The following SNAP23 variants were observed in gnomAD, a reference collection of about 807,000 sequenced individuals.
SNAP23 encodes synaptosomal-associated protein 23.
Under a neutral mutation model 29.0 loss-of-function variants are expected in SNAP23, and 11 were observed. That is an observed-to-expected ratio of 0.38 (90% CI 0.24 to 0.63). SNAP23 has a LOEUF of 0.63. Ranked by LOEUF, SNAP23 falls within the 20% of genes least tolerant of loss-of-function variation. The pLI is 0.58. For missense variants in SNAP23, 220 were observed against 253.9 expected, an observed-to-expected ratio of 0.87 and a Z score of 0.91; for synonymous variants, 60 against 82.9, an observed-to-expected ratio of 0.72 and a Z score of 1.50.
intron 6 of SNAP23, among the ~76,000 whole-genome samples, chr15:42,529,218 T>C (rs1353627851): frequency 6.6e-6 from 1 of 152,236 alleles, no homozygotes; most frequent in Non-Finnish European, 1.5e-5. Flanking sequence ...AATCATATGG[T>C]GGCCAGATTT....
chr15:42,511,551 C>G lies in SNAP23; in HGVS notation c.-14-282C>G, dbSNP rs968000663. Reference sequence around the variant, plus strand: ...TGTCTTCCAGTAATGCCTTGCTTCTCTAAGTAGAGGATCCACTTTCCTGTT... The same window carrying G: ...TGTCTTCCAGTAATGCCTTGCTTCTGTAAGTAGAGGATCCACTTTCCTGTT... On this transcript the variant is annotated intron_variant, in intron 1 of 7. Coordinates refer to ENST00000249647, the MANE Select transcript of SNAP23 (RefSeq NM_003825.4). Among the ~76,000 whole-genome samples the G allele has an allele frequency of 1.2e-4, 18 of 152,322 alleles. No homozygotes were observed. In the East Asian group the frequency reaches 2.5e-3, roughly 21 times the overall value.
intron 1 of SNAP23, among the ~76,000 whole-genome samples, chr15:42,500,678 C>A (rs1183392066): frequency 1.3e-5 from 2 of 151,594 alleles, no homozygotes; most frequent in East Asian, 1.9e-4. Flanking sequence ...GCATGAGCCA[C>A]CTCACCCGGC....
At chr15:42,495,429 T>G (rs1176432886), upstream of SNAP23, 1 of 152,282 alleles carries the variant, frequency 6.6e-6, no homozygotes, top group Non-Finnish European at 1.5e-5. Context: ...GCATACGGTT[T>G]GCCCTCAGTA....
At chr15:42,521,859 A>C in intron 5 of SNAP23, 1 of 415,740 alleles carries the variant, frequency 2.4e-6, no homozygotes, top group South Asian at 8.4e-5. Flanking sequence ...AAGGACCTTA[A>C]TTTATAATAC....
intron 1 of SNAP23, 117 bp from the exon 2 acceptor site, chr15:42,511,716 T>C: frequency 2.0e-6 from 1 of 493,152 alleles, no homozygotes; most frequent in Non-Finnish European, 3.6e-6. Flanking sequence ...GAGGTTCTTT[T>C]ATCCTGTTTT....
chr15:42,509,601 G>A lies in SNAP23; in HGVS notation c.-14-2232G>A, dbSNP rs555521719. ...ATTACAGGCGCTCACCACCACTCCC[G>A]GCTAATTTTTGTATTTTTAGTAGAA... On this transcript the variant is annotated intron_variant, in intron 1 of 7. Coordinates refer to ENST00000249647, the MANE Select transcript of SNAP23 (RefSeq NM_003825.4). Among the ~76,000 whole-genome samples, 245 of 151,658 alleles carry A rather than the reference G, an allele frequency of 1.6e-3. 1 individual carries two copies. The highest frequency in any genetic ancestry group is 5.7e-3 in the African/African-American group (238 of 41,396).
upstream of SNAP23, among the ~76,000 whole-genome samples, chr15:42,494,949 G>A (rs1395753665): frequency 6.6e-6 from 1 of 152,160 alleles, no homozygotes. Context: ...AGTGCCCCTA[G>A]TACAAAGTGG....
chr15:42,492,504 C>T (rs995755892), upstream of SNAP23, among the ~76,000 whole-genome samples: 3 of 151,438 alleles, frequency 2.0e-5, no homozygotes, highest in Non-Finnish European at 4.4e-5. Context: ...ATGGTGAAAC[C>T]CCTTCTCTAC....
chr15:42,496,924 A>G (rs146737161), intron 1 of SNAP23, among the ~76,000 whole-genome samples: 306 of 152,292 alleles, frequency 2.0e-3, no homozygotes, highest in African/African-American at 7.0e-3. Context: ...AACCAGTATC[A>G]TGAGAACAGC....
chr15:42,515,574 C>T (rs1053193419), intron 5 of SNAP23, among the ~76,000 whole-genome samples: 1 of 152,136 alleles, frequency 6.6e-6, no homozygotes, highest in Non-Finnish European at 1.5e-5. Context: ...AGTCCAATTT[C>T]AATTTGTAGT....
In SNAP23 at chr15:42,531,734, T is replaced by G; in HGVS notation, c.*256T>G. ...TTTTCATATGTCATGTTTAGTGTTT[T>G]CATCCTCCTCATATACTTCAGCAGG... On this transcript the variant is annotated 3_prime_UTR_variant, in exon 8 of 8. Coordinates refer to ENST00000249647, the MANE Select transcript of SNAP23 (RefSeq NM_003825.4). 1 of 316,816 alleles carries G rather than the reference T, an allele frequency of 3.2e-6. No homozygotes were observed. Among genetic ancestry groups the G allele is most frequent in the Non-Finnish European group, 5.8e-6 (1 of 173,780 alleles). The allele number at this position is 316,816 out of a possible 1,614,324, so 19.6% of individuals were successfully genotyped here.
chr15:42,523,509 G>A (rs903283229), intron 5 of SNAP23, among the ~76,000 whole-genome samples: 1 of 152,222 alleles, frequency 6.6e-6, no homozygotes, highest in Non-Finnish European at 1.5e-5. Context: ...AAACATGCCA[G>A]TTGGTAACCC....
chr15:42,495,757 G>A (rs1201633095), intron 1 of SNAP23, 44 bp downstream of exon 1: 2 of 152,728 alleles, frequency 1.3e-5, no homozygotes, highest in South Asian at 2.1e-4. Flanking sequence ...CCGGGATGAA[G>A]TCTGAGACTA....
intron 4 of SNAP23, among the ~76,000 whole-genome samples, chr15:42,514,427 G>A (rs144093540): frequency 2.8e-3 from 430 of 152,316 alleles, no homozygotes; most frequent in African/African-American, 9.8e-3. Flanking sequence ...GGGATTATAG[G>A]CGTGAGCCAC....
intron 1 of SNAP23, among the ~76,000 whole-genome samples, chr15:42,508,467 C>A (rs1339097128): frequency 6.6e-6 from 1 of 152,142 alleles, no homozygotes; most frequent in African/African-American, 2.4e-5. Context: ...TAATCTTAGG[C>A]AGCTGCATCC....
In SNAP23 at chr15:42,515,493, A is replaced by G. The variant is rs562782640; in HGVS notation, c.266+139A>G. On this transcript the variant is annotated intron_variant, in intron 5 of 7. Transcript: ENST00000249647. ...TCTAAGTTGTCTCTCCTTCAGGCAG[A>G]TTAAGCTTTTTGTGTAAATACTGCG... The G allele has an allele frequency of 1.2e-5, 7 of 599,190 alleles. No homozygotes were observed. The South Asian group carries it at 1.3e-4, about 11-fold the overall frequency. The allele number at this position is 599,190 out of a possible 1,614,324, so 37.1% of individuals were successfully genotyped here. A position where few individuals can be genotyped will look rare whatever the true frequency, so the allele number is the denominator to read the frequency against.
intron 5 of SNAP23, 82 bp downstream of exon 5, chr15:42,515,436 A>T: frequency 1.3e-6 from 1 of 793,358 alleles, no homozygotes; most frequent in Non-Finnish European, 2.1e-6. Context: ...CAGAAGTATG[A>T]CTGGGCTTAA....
chr15:42,496,510 A>T (rs190165739), intron 1 of SNAP23, among the ~76,000 whole-genome samples: 1 of 152,128 alleles, frequency 6.6e-6, no homozygotes, highest in Non-Finnish European at 1.5e-5. Flanking sequence ...TGAGATCAGG[A>T]GTTCGAGACC....
chr15:42,513,945 C>G (rs2057378016), intron 4 of SNAP23, among the ~76,000 whole-genome samples: 1 of 152,030 alleles, frequency 6.6e-6, no homozygotes, highest in South Asian at 2.1e-4. Flanking sequence ...TCCTGAGTAG[C>G]TGAGATTACT....
Sources: allele counts gnomAD v4.1 joint callset (sites outside exome capture counted in the v4.1 genomes callset), GRCh38; gene constraint gnomAD v4.1.1; transcripts MANE v1.5; gene names NCBI Gene and HGNC (gene_info 2026-07-23, HGNC 2026-07-21).